The following DDX54 variants were observed in gnomAD, a reference collection of about 807,000 sequenced individuals.
DDX54 encodes ATP-dependent RNA helicase DDX54.
Under a neutral mutation model 105.5 loss-of-function variants are expected in DDX54, and 67 were observed. The ratio of observed to expected loss-of-function variants is 0.64; its 90% CI spans 0.52 to 0.78. The LOEUF is 0.78. Among genes scored for constraint, DDX54 ranks in the 30% least tolerant of loss-of-function variants. The probability of loss-of-function intolerance (pLI) is 0.00; values close to 1 mark genes in which losing one functional copy is unlikely to be tolerated. For missense variants in DDX54, 1,206 were observed against 1,230.5 expected (o/e 0.98, Z 0.30); for synonymous variants, 514 against 509.9 (o/e 1.01, Z -0.11).
chr12:113,161,588 A>C lies in DDX54; in HGVS notation c.2301-206T>G, dbSNP rs1324921475. On this transcript the variant is annotated intron_variant, in intron 18 of 19. Transcript: ENST00000306014. ...CCCAGCACCAGGTCCCACTTATTGGAGATGCCGCTGCTGAAGCTGCTGGGC... is the reference window on the plus strand; with the variant it reads ...CCCAGCACCAGGTCCCACTTATTGGCGATGCCGCTGCTGAAGCTGCTGGGC... The C allele has an allele frequency of 5.4e-6, 3 of 555,840 alleles. No individual in the cohort carries two copies. In the African/African-American group the frequency reaches 6.1e-5, roughly 11 times the overall value. 34.4% of individuals were successfully genotyped at this position (555,840 alleles called of 1,614,324 possible).
intron 17 of DDX54, among the ~76,000 whole-genome samples, chr12:113,162,424 G>A (rs1295023495): frequency 6.6e-6 from 1 of 152,254 alleles, no homozygotes; most frequent in Non-Finnish European, 1.5e-5. Context: ...GATCTCTGTG[G>A]TGTGTGATCA....
intron 1 of DDX54, among the ~76,000 whole-genome samples, chr12:113,183,264 G>A (rs1370376296): frequency 6.6e-6 from 1 of 152,242 alleles, no homozygotes; most frequent in Non-Finnish European, 1.5e-5. Flanking sequence ...CCAGTGCAAG[G>A]TTGGGCCAAA....
At chr12:113,170,788 G>A (rs1214458903) in intron 11 of DDX54, among the ~76,000 whole-genome samples, 2 of 152,100 alleles carry the variant, frequency 1.3e-5, no homozygotes, top group East Asian at 3.9e-4. Context: ...AAAGCCTAAC[G>A]TTTCATGTCT....
Position 113,169,907 on chromosome 12 carries a change from G to C in DDX54, c.1280-3C>G. On this transcript the variant is annotated splice_region_variant and splice_polypyrimidine_tract_variant and intron_variant, in intron 11 of 19. Transcript: ENST00000306014. ...TCGGCCAGCCCGAGCCACACGGCCT[G>C]CAGCAAGGAGACGTTCAAGCTTAAT... 1 of 1,614,016 alleles carries C rather than the reference G, an allele frequency of 6.2e-7. No individual in the cohort carries two copies. The highest frequency in any genetic ancestry group is 2.2e-5 in the East Asian group (1 of 44,878).
rs961248290 is a variant in DDX54 at position 113,157,235 on chromosome 12, C to T, written c.*1642G>A. The T allele has an allele frequency of 8.8e-6, 2 of 226,386 alleles. No homozygotes were observed. Among genetic ancestry groups the T allele is most frequent in the Non-Finnish European group, 1.7e-5 (2 of 115,218 alleles). 14.0% of individuals were successfully genotyped at this position (226,386 alleles called of 1,614,324 possible). Reference sequence around the variant, plus strand: ...ATATTCATAAAGAAGTTAATTAAAACAAAAGGAGAGCCACCCACGGAGATA... The same window carrying T: ...ATATTCATAAAGAAGTTAATTAAAATAAAAGGAGAGCCACCCACGGAGATA... On this transcript the variant is annotated 3_prime_UTR_variant, in exon 20 of 20. Coordinates refer to ENST00000306014, the MANE Select transcript of DDX54 (RefSeq NM_024072.4).
At chr12:113,179,394 C>T (rs1262060673) in intron 3 of DDX54, 63 bp from the exon 4 acceptor site, 2 of 1,560,034 alleles carry the variant, frequency 1.3e-6, no homozygotes, top group East Asian at 2.3e-5. Flanking sequence ...TGATCCAGAG[C>T]TTCAAGGCCC....
chr12:113,160,900 G>C (rs911149894), intron 19 of DDX54, among the ~76,000 whole-genome samples: 13 of 152,164 alleles, frequency 8.5e-5, no homozygotes, highest in African/African-American at 2.7e-4. Flanking sequence ...CCACCTCCCG[G>C]GTTCTCTAGG....
chr12:113,182,769 C>A (rs754143040), intron 1 of DDX54, among the ~76,000 whole-genome samples: 1 of 151,980 alleles, frequency 6.6e-6, no homozygotes, highest in Non-Finnish European at 1.5e-5. Context: ...GTTGGCCAGG[C>A]CGGTCTCAAA....
chr12:113,184,805 A>G lies in DDX54; in HGVS notation c.174+473T>C, dbSNP rs945757524. ...TACACAACTGCACTCCGGCATGAGC[A>G]ACAGAGCAAGACTCTGTCTCAAAAA... On this transcript the variant is annotated intron_variant, in intron 1 of 19. Coordinates refer to ENST00000306014, the MANE Select transcript of DDX54 (RefSeq NM_024072.4). Among the ~76,000 whole-genome samples the G allele has an allele frequency of 2.0e-5, 3 of 152,192 alleles. No homozygotes were observed. In the East Asian group the frequency reaches 5.8e-4, roughly 29 times the overall value.
intron 1 of DDX54, among the ~76,000 whole-genome samples, chr12:113,182,501 T>G (rs1000948981): frequency 6.6e-6 from 1 of 152,004 alleles, no homozygotes; most frequent in African/African-American, 2.4e-5. Flanking sequence ...ACAAGGTGCC[T>G]GGGACACACA....
chr12:113,164,003 T>G, intron 15 of DDX54, 64 bp downstream of exon 15: 1 of 1,489,676 alleles, frequency 6.7e-7, no homozygotes, highest in Non-Finnish European at 9.0e-7. Context: ...CCTCATGGGC[T>G]GCTGGGACTT....
chr12:113,180,934 G>T lies in DDX54; in HGVS notation c.299C>A (p.Ser100Tyr). ...TGATGCCAAGTTGCACCCACCCATG[G>T]ACTGGAAGCCTCCAGACTTCTTCTT... The part of the protein sequence containing the change: ...KKKKKSGGFQ[S>Y]MGLSYPVFKG... The change falls in exon 2 of 20, where the codon TCC becomes TAC. Residue 100 changes from serine to tyrosine, a missense_variant. Physicochemically the swap from Ser to Tyr is moderately radical, Grantham distance 144. Around this residue, in one of 3 missense-constraint regions of DDX54, gnomAD observed 212 missense variants for 155.4 expected, o/e 1.36. Coordinates refer to ENST00000306014, the MANE Select transcript of DDX54 (RefSeq NM_024072.4). 2 of 1,613,578 alleles carry T rather than the reference G, an allele frequency of 1.2e-6. No homozygotes were observed. Among genetic ancestry groups the T allele is most frequent in the South Asian group, 2.2e-5 (2 of 90,956 alleles).
intron 8 of DDX54, 21 bp downstream of exon 8, chr12:113,175,015 C>A (rs1205552654): frequency 6.2e-7 from 1 of 1,612,850 alleles, no homozygotes; most frequent in African/African-American, 1.3e-5. Flanking sequence ...CAGCCCCCAT[C>A]TCCACCCCCA....
chr12:113,174,233 T>G (rs1246416095), intron 10 of DDX54, among the ~76,000 whole-genome samples: 2 of 149,992 alleles, frequency 1.3e-5, no homozygotes, highest in Admixed American at 6.6e-5. Context: ...ATCCCAGTAC[T>G]ATGGGAGGCC....
Position 113,185,378 on chromosome 12 carries a change from C to T in DDX54, c.74G>A (p.Gly25Glu). Residue 25 changes from glycine to glutamate, a missense_variant, in exon 1 of 20, where the codon GGG becomes GAG. Physicochemically the swap from Gly to Glu is moderately conservative, Grantham distance 98. Coordinates refer to ENST00000306014, the MANE Select transcript of DDX54 (RefSeq NM_024072.4). ...AAMAQWRKKKGLRKRRGAASQ... is the reference protein window; with the variant it reads ...AAMAQWRKKKELRKRRGAASQ... ...GGCCGCGCCTCGGCGCTTCCGGAGCCCTTTCTTCTTCCTCCACTGGGCCAT... is the reference window on the plus strand; with the variant it reads ...GGCCGCGCCTCGGCGCTTCCGGAGCTCTTTCTTCTTCCTCCACTGGGCCAT... 1.3e-6 allele frequency: 2 copies of T among 1,569,384 alleles called. No individual in the cohort carries two copies. The highest frequency in any genetic ancestry group is 1.7e-6 in the Non-Finnish European group (2 of 1,160,464).
chr12:113,165,771 C>T (rs1952265066), intron 13 of DDX54, 31 bp downstream of exon 13: 6 of 1,600,472 alleles, frequency 3.7e-6, no homozygotes, highest in Non-Finnish European at 5.1e-6. Context: ...CAAGGCCCAC[C>T]TGCCACCCCC....
In DDX54 at chr12:113,172,552, GGTC is replaced by G; in HGVS notation, c.1077_1079del (p.Thr360del). 6.2e-7 allele frequency: 1 copy of G among 1,614,144 alleles called. No homozygotes were observed. The highest frequency in any genetic ancestry group is 8.5e-7 in the Non-Finnish European group (1 of 1,180,028). ...AGATGTGGGCGCAGCTCACCCGCTG[GGTC>G]GTCAGCAGCTGCTCAGAGCAAAGAT... On this transcript the variant is annotated inframe_deletion, in exon 11 of 20. Coordinates refer to ENST00000306014, the MANE Select transcript of DDX54 (RefSeq NM_024072.4).
At position 113,163,124 on chromosome 12, in the gene DDX54, C is replaced by A; in HGVS notation, c.2081+8G>T. ...ACTGCCCCACCCAGGACCCAGCCAG[C>A]CACTCACCCCCGCTCGCTGTCAAAG... On this transcript the variant is annotated splice_region_variant and intron_variant, in intron 16 of 19. Transcript: ENST00000306014. This position sits in a 1 kb window ranked among gnomAD's most constrained non-coding sequence, Gnocchi z 5.9. 2 of 1,612,394 alleles carry A rather than the reference C, an allele frequency of 1.2e-6. No individual in the cohort carries two copies. The highest frequency in any genetic ancestry group is 1.7e-6 in the Non-Finnish European group (2 of 1,179,804).
chr12:113,184,757 C>A (rs1952506485), intron 1 of DDX54, among the ~76,000 whole-genome samples: 1 of 152,120 alleles, frequency 6.6e-6, no homozygotes, highest in Admixed American at 6.5e-5. Flanking sequence ...GCCCAGGAGG[C>A]GGAGGCTGTA....
Sources: gnomAD v4.1 joint callset for allele counts (sites outside exome capture counted in the v4.1 genomes callset) on GRCh38, gnomAD v4.1.1 for gene constraint, gnomAD v4.1.1 regional missense constraint, Gnocchi (gnomAD v3.1) non-coding constraint, MANE v1.5 for transcripts, NCBI Gene and HGNC (gene_info 2026-07-23, HGNC 2026-07-21) for gene names.